GALNT13: variants seen among roughly 807,000 people sequenced by gnomAD.
GALNT13 encodes UDP-GalNAc:polypeptide N-acetylgalactosaminyltransferase 13.
GALNT13 carries 28 observed loss-of-function variants against 64.2 expected under a neutral mutation model. The observed-to-expected ratio is 0.44, with a 90% CI of 0.32 to 0.60. The LOEUF is 0.60. Ranked by LOEUF, GALNT13 falls within the 20% of genes least tolerant of loss-of-function variation. GALNT13 has a pLI of 0.05. For missense variants in GALNT13, 577 were observed against 669.8 expected, an observed-to-expected ratio of 0.86 and a Z score of 1.53; for synonymous variants, 214 against 224.6, an observed-to-expected ratio of 0.95 and a Z score of 0.42.
intron 7 of GALNT13, among the ~76,000 whole-genome samples, chr2:154,247,566 A>G (rs1315262924): frequency 6.6e-6 from 1 of 152,060 alleles, no homozygotes; most frequent in Non-Finnish European, 1.5e-5. Flanking sequence ...AAGATAACTA[A>G]GAGGTAGCCA....
the GALNT13 span, among the ~76,000 whole-genome samples, chr2:153,225,236 A>G: frequency 2.0e-5 from 3 of 152,242 alleles, no homozygotes; most frequent in South Asian, 2.1e-4. Context: ...TCATATGATT[A>G]TACCATTGGA....
chr2:154,292,794 G>T lies in GALNT13; in HGVS notation c.976-8615G>T, dbSNP rs998220205. 2.0e-5 allele frequency among the ~76,000 whole-genome samples: 3 copies of T among 152,268 alleles called. No homozygotes were observed. The South Asian group carries it at 6.2e-4, about 32-fold the overall frequency. On this transcript the variant is annotated intron_variant, in intron 8 of 12. Transcript: ENST00000392825. ...AAAAACAAGCAGCTGCATGAATTTG[G>T]TACAACAGCTGTAAAATTAGAAACA...
At chr2:154,372,751 GTGATTATCACT>G (rs1389417955) in intron 9 of GALNT13, among the ~76,000 whole-genome samples, 1 of 151,956 alleles carries the variant, frequency 6.6e-6, no homozygotes, top group African/African-American at 2.4e-5. Flanking sequence ...GAAATTGTCT[GTGATTATCACT>G]TTTTATTCTT....
At chr2:153,959,280 G>C (rs1176941997) in intron 3 of GALNT13, among the ~76,000 whole-genome samples, 2 of 152,102 alleles carry the variant, frequency 1.3e-5, no homozygotes, top group African/African-American at 4.8e-5. Context: ...GGGGCAATCA[G>C]GGGGCAGCCA....
Position 154,242,208 on chromosome 2 carries a change from T to C in GALNT13, c.478+12T>C, listed in dbSNP as rs764440105. 6.2e-7 allele frequency: 1 copy of C among 1,602,924 alleles called. No individual in the cohort carries two copies. The highest frequency in any genetic ancestry group is 8.5e-7 in the Non-Finnish European group (1 of 1,176,732). On this transcript the variant is annotated intron_variant, in intron 5 of 12. Transcript: ENST00000392825. ...TGCCAGTGAAAGAGGTACAAACTGGTTTTTTGTTTTTGTTTTTGTTTTTTT... is the reference window on the plus strand; with the variant it reads ...TGCCAGTGAAAGAGGTACAAACTGGCTTTTTGTTTTTGTTTTTGTTTTTTT...
At chr2:154,311,036 A>G (rs1232169471) in intron 9 of GALNT13, among the ~76,000 whole-genome samples, 2 of 151,674 alleles carry the variant, frequency 1.3e-5, no homozygotes, top group Non-Finnish European at 2.9e-5. Flanking sequence ...AATTTATTAG[A>G]TCAATGGATA....
At chr2:154,380,717 T>C (rs890503472) in intron 9 of GALNT13, among the ~76,000 whole-genome samples, 1 of 151,982 alleles carries the variant, frequency 6.6e-6, no homozygotes, top group East Asian at 1.9e-4. Flanking sequence ...CAGACATATT[T>C]ATTATTTCTC....
the GALNT13 span, among the ~76,000 whole-genome samples, chr2:153,668,974 A>C: frequency 6.6e-6 from 1 of 152,176 alleles, no homozygotes; most frequent in Non-Finnish European, 1.5e-5. Flanking sequence ...AAAATCTTGC[A>C]TGTGAGATGG....
the GALNT13 span, among the ~76,000 whole-genome samples, chr2:153,443,698 G>A: frequency 1.3e-5 from 2 of 152,206 alleles, no homozygotes; most frequent in Admixed American, 1.3e-4. Flanking sequence ...CAAGGCAGAC[G>A]GATTGCCTTA....
chr2:153,824,951 A>G, the GALNT13 span, among the ~76,000 whole-genome samples: 352 of 152,258 alleles, frequency 2.3e-3, no homozygotes, highest in Non-Finnish European at 3.0e-3. Flanking sequence ...CCCTGTAGAA[A>G]TGTATAAATT....
At chr2:154,100,291 C>A (rs1328247984) in intron 3 of GALNT13, among the ~76,000 whole-genome samples, 1 of 151,992 alleles carries the variant, frequency 6.6e-6, no homozygotes, top group Non-Finnish European at 1.5e-5. Flanking sequence ...CTGTAGATTT[C>A]TTTGGGCAGT....
Position 154,004,949 on chromosome 2 carries a change from A to G in GALNT13, c.142+60310A>G, listed in dbSNP as rs535203865. ...ATTTAATCCCTAAAGTATACCTTTA[A>G]AATTAGAAAAGATAGTATGGCAAAT... is the stretch of plus-strand genomic sequence containing the variant. On this transcript the variant is annotated intron_variant, in intron 3 of 12. Transcript: ENST00000392825. Among the ~76,000 whole-genome samples the G allele has an allele frequency of 3.9e-5, 6 of 152,302 alleles. No individual in the cohort carries two copies. In the South Asian group the frequency reaches 1.2e-3, roughly 32 times the overall value.
chr2:153,793,103 C>T, the GALNT13 span, among the ~76,000 whole-genome samples: 2 of 151,458 alleles, frequency 1.3e-5, no homozygotes, highest in Admixed American at 6.6e-5. Context: ...TCCAGGGTAG[C>T]TGAGACTATA....
intron 4 of GALNT13, among the ~76,000 whole-genome samples, chr2:154,187,433 A>AAACCTCAGGTGTT (rs1686317888): frequency 6.6e-6 from 1 of 150,982 alleles, no homozygotes; most frequent in South Asian, 2.1e-4. Context: ...ACATGTTTGG[A>AAACCTCAGGTGTT]AACCTCAGGT....
the GALNT13 span, among the ~76,000 whole-genome samples, chr2:153,647,847 C>T: frequency 6.6e-6 from 1 of 152,152 alleles, no homozygotes; most frequent in African/African-American, 2.4e-5. Flanking sequence ...GTACCAGTAC[C>T]ATGCTGTTTT....
At chr2:153,497,010 AAAAG>A in the GALNT13 span, among the ~76,000 whole-genome samples, 2 of 151,274 alleles carry the variant, frequency 1.3e-5, no homozygotes, top group African/African-American at 2.4e-5. Context: ...AAAAAAAAAA[AAAAG>A]AAAAAAGAAA....
At chr2:153,397,743 T>C in the GALNT13 span, among the ~76,000 whole-genome samples, 1 of 152,012 alleles carries the variant, frequency 6.6e-6, no homozygotes, top group Non-Finnish European at 1.5e-5. Flanking sequence ...TGCTGGTTGG[T>C]ATCCAGTGTC....
At chr2:153,418,975 G>C in the GALNT13 span, among the ~76,000 whole-genome samples, 1 of 152,168 alleles carries the variant, frequency 6.6e-6, no homozygotes, top group Admixed American at 6.5e-5. Flanking sequence ...TTTTGAATGA[G>C]AGTCTCTTAT....
At chr2:153,953,577 G>A (rs529310788) in intron 3 of GALNT13, among the ~76,000 whole-genome samples, 14 of 152,168 alleles carry the variant, frequency 9.2e-5, no homozygotes, top group African/African-American at 2.2e-4. Flanking sequence ...AGTAAATACC[G>A]GTTTGCATTG....
Sources: allele counts gnomAD v4.1 joint callset (sites outside exome capture counted in the v4.1 genomes callset), GRCh38; gene constraint gnomAD v4.1.1; transcripts MANE v1.5; gene names NCBI Gene and HGNC (gene_info 2026-07-23, HGNC 2026-07-21).